The following GNG7 variants were observed in gnomAD, a reference collection of about 807,000 sequenced individuals.
GNG7 encodes guanine nucleotide-binding protein G(I)/G(S)/G(O) subunit gamma-7.
Under a neutral mutation model 4.0 loss-of-function variants are expected in GNG7, and 1 was observed. That is an observed-to-expected ratio of 0.25 (90% CI 0.09 to 1.18). The LOEUF is 1.18. Among genes scored for constraint, GNG7 ranks in the 50% most tolerant of loss-of-function variants. The pLI, the probability that GNG7 is intolerant of heterozygous loss-of-function variation, is 0.50. For synonymous variants in GNG7, 34 were observed against 36.9 expected (o/e 0.92, Z 0.29); for missense variants, 86 against 91.9 (o/e 0.94, Z 0.26).
chr19:2,573,413 A>G (rs1980211018), intron 2 of GNG7, among the ~76,000 whole-genome samples: 1 of 152,132 alleles, frequency 6.6e-6, no homozygotes, highest in Non-Finnish European at 1.5e-5. Context: ...AGGCGGGGCT[A>G]GTCTTAGGGA....
At chr19:2,560,711 C>T (rs568267129) in intron 2 of GNG7, among the ~76,000 whole-genome samples, 2 of 152,240 alleles carry the variant, frequency 1.3e-5, no homozygotes, top group Admixed American at 1.3e-4. Context: ...CATCCCAGCA[C>T]TTTGGGAGGC....
At chr19:2,560,651 C>A (rs769282828) in intron 2 of GNG7, among the ~76,000 whole-genome samples, 73 of 152,084 alleles carry the variant, frequency 4.8e-4, no homozygotes, top group Middle Eastern at 3.4e-3. Context: ...CCTGGGGGGA[C>A]CCTGAATTCA....
chr19:2,542,763 G>A (rs754023789), intron 3 of GNG7, among the ~76,000 whole-genome samples: 10 of 152,048 alleles, frequency 6.6e-5, no homozygotes, highest in Non-Finnish European at 1.5e-4. Context: ...AGGGCCCCCC[G>A]GTGAGCAGGC....
intron 1 of GNG7, among the ~76,000 whole-genome samples, chr19:2,654,311 C>T (rs569465014): frequency 6.6e-6 from 1 of 151,078 alleles, no homozygotes; most frequent in South Asian, 2.1e-4. Flanking sequence ...TAGACACGAT[C>T]CGAAACAGCA....
chr19:2,515,286 G>C, intron 4 of GNG7, 139 bp from the exon 5 acceptor site: 1 of 985,542 alleles, frequency 1.0e-6, no homozygotes, highest in East Asian at 2.5e-5. Flanking sequence ...CAAACAGTGC[G>C]GCCCGTCCAC....
chr19:2,675,907 G>C (rs1237795717), intron 1 of GNG7, among the ~76,000 whole-genome samples: 4 of 152,232 alleles, frequency 2.6e-5, no homozygotes, highest in East Asian at 3.8e-4. Context: ...AGATGCCTCA[G>C]AATGGGACCT....
intron 2 of GNG7, among the ~76,000 whole-genome samples, chr19:2,604,152 G>A (rs942793302): frequency 6.6e-6 from 1 of 151,842 alleles, no homozygotes; most frequent in African/African-American, 2.4e-5. Flanking sequence ...GCCGGGTCTC[G>A]AGAAGTGCCT....
rs59990252 is a variant in GNG7, at chr19:2,656,799, G to A, written c.-134-10519C>T. On this transcript the variant is annotated intron_variant, in intron 1 of 4. Transcript: ENST00000382159. ...CGACAGAGAGCACATGGCCTGCAAC[G>A]CCAAGAATTTACCTCCGGCCCTTTA... 8.0e-3 allele frequency among the ~76,000 whole-genome samples: 1,224 copies of A among 152,252 alleles called. 12 individuals are homozygous for A. The highest frequency in any genetic ancestry group is 0.024 in the Middle Eastern group (7 of 292).
At chr19:2,620,770 A>C (rs1234821433) in intron 2 of GNG7, among the ~76,000 whole-genome samples, 1 of 151,766 alleles carries the variant, frequency 6.6e-6, no homozygotes, top group Non-Finnish European at 1.5e-5. Flanking sequence ...GAACCCGGGA[A>C]GTGGAGGTTG....
intron 1 of GNG7, among the ~76,000 whole-genome samples, chr19:2,686,543 C>T (rs1322608141): frequency 6.6e-6 from 1 of 152,148 alleles, no homozygotes; most frequent in Non-Finnish European, 1.5e-5. Flanking sequence ...CAGTCTCCAG[C>T]ACTGGGATCC....
At chr19:2,540,488 C>T (rs370071833) in intron 3 of GNG7, among the ~76,000 whole-genome samples, 1 of 152,154 alleles carries the variant, frequency 6.6e-6, no homozygotes, top group East Asian at 1.9e-4. Context: ...ACCCTTAGCC[C>T]GACGGCGTGC....
intron 2 of GNG7, among the ~76,000 whole-genome samples, chr19:2,594,405 G>GGGAAGGAAGCAA (rs1555696452): frequency 6.6e-5 from 9 of 136,868 alleles, no homozygotes; most frequent in African/African-American, 2.3e-4. Context: ...GAAAGAAGGA[G>GGGAAGGAAGCAA]GGAAGGAAGG....
intron 1 of GNG7, among the ~76,000 whole-genome samples, chr19:2,667,386 G>A (rs745733670): frequency 3.3e-5 from 5 of 152,090 alleles, no homozygotes; most frequent in Admixed American, 3.3e-4. Flanking sequence ...TTGAAATGCA[G>A]AAAACGGCTG....
intron 1 of GNG7, among the ~76,000 whole-genome samples, chr19:2,664,588 G>A (rs796786255): frequency 9.9e-5 from 15 of 152,252 alleles, no homozygotes; most frequent in African/African-American, 3.4e-4. Flanking sequence ...ACAATCAGAC[G>A]GTTGGCTCTG....
chr19:2,663,095 G>T (rs1983219578), intron 1 of GNG7, among the ~76,000 whole-genome samples: 1 of 152,118 alleles, frequency 6.6e-6, no homozygotes, highest in African/African-American at 2.4e-5. Context: ...TAAGTGTTGG[G>T]GTAATTTGTT....
chr19:2,611,095 A>C lies in GNG7; in HGVS notation c.-78+35129T>G, dbSNP rs548436995. On this transcript the variant is annotated intron_variant, in intron 2 of 4. Coordinates refer to ENST00000382159, the MANE Select transcript of GNG7 (RefSeq NM_052847.3). This position sits in a 1 kb window ranked among gnomAD's most constrained non-coding sequence, Gnocchi z 6.0. ...TCCCTCTCGCAATCTGCTTTCTGGGAAGTGGGCCCCTCGCACCGGGTGCGG... is the reference window on the plus strand; with the variant it reads ...TCCCTCTCGCAATCTGCTTTCTGGGCAGTGGGCCCCTCGCACCGGGTGCGG... 1 of 152,166 alleles carries C rather than the reference A, an allele frequency of 6.6e-6. No homozygotes were observed. The highest frequency in any genetic ancestry group is 2.1e-4 in the South Asian group (1 of 4,818). The allele number at this position is 152,166 out of a possible 1,614,324, so 9.4% of individuals were successfully genotyped here. A position where few individuals can be genotyped will look rare whatever the true frequency, so the allele number is the denominator to read the frequency against.
At chr19:2,577,046 C>A (rs1460172378) in intron 2 of GNG7, among the ~76,000 whole-genome samples, 1 of 152,210 alleles carries the variant, frequency 6.6e-6, no homozygotes, top group Non-Finnish European at 1.5e-5. Flanking sequence ...GTGCAAAGTT[C>A]CAGTAAGTCT....
chr19:2,541,739 CA>C lies in GNG7; in HGVS notation c.-38+13409del, dbSNP rs60594527. 9.3e-3 allele frequency among the ~76,000 whole-genome samples: 1,266 copies of C among 135,524 alleles called. 5 individuals are homozygous for C. The highest frequency in any genetic ancestry group is 0.025 in the African/African-American group (910 of 36,590). The allele number at this position is 135,524 out of a possible 152,430, so 88.9% of individuals were successfully genotyped here. A position where few individuals can be genotyped will look rare whatever the true frequency, so the allele number is the denominator to read the frequency against. ...CCTGGGCGACACAGCAAGACTCCAT[CA>C]AAAAAAAAAAAAAAAATTAAAAGGT... On this transcript the variant is annotated intron_variant, in intron 3 of 4. Coordinates refer to ENST00000382159, the MANE Select transcript of GNG7 (RefSeq NM_052847.3).
At chr19:2,528,344 G>A (rs1362231008) in intron 3 of GNG7, among the ~76,000 whole-genome samples, 2 of 150,390 alleles carry the variant, frequency 1.3e-5, no homozygotes, top group Non-Finnish European at 3.0e-5. Flanking sequence ...AGGCCGAGGC[G>A]GGCAGATCAC....
Sources: gnomAD v4.1 joint callset for allele counts (sites outside exome capture counted in the v4.1 genomes callset) on GRCh38, gnomAD v4.1.1 for gene constraint, Gnocchi (gnomAD v3.1) non-coding constraint, MANE v1.5 for transcripts, NCBI Gene and HGNC (gene_info 2026-07-23, HGNC 2026-07-21) for gene names.